Variants in CEP112 observed in about 807,000 individuals in gnomAD.
CEP112 encodes the protein centrosomal protein 112.
CEP112 carries 127 observed loss-of-function variants against 153.0 expected under a neutral mutation model. That is an observed-to-expected ratio of 0.83 (90% CI 0.72 to 0.96). CEP112 has a LOEUF of 0.96. CEP112 is among the 40% of genes least tolerant of loss of function. The probability of loss-of-function intolerance (pLI) is 0.00; values close to 1 mark genes in which losing one functional copy is unlikely to be tolerated. For missense variants in CEP112, 1,089 were observed against 1,101.2 expected (o/e 0.99, Z 0.16); for synonymous variants, 358 against 374.4 (o/e 0.96, Z 0.51).
chr17:65,896,538 T>C lies in CEP112; in HGVS notation c.2163+5614A>G, dbSNP rs796733290. Among the ~76,000 whole-genome samples, 9 of 152,018 alleles carry C rather than the reference T, an allele frequency of 5.9e-5. No homozygotes were observed. The South Asian group carries it at 8.3e-4, about 14-fold the overall frequency. On this transcript the variant is annotated intron_variant, in intron 20 of 26. Coordinates refer to ENST00000535342, the MANE Select transcript of CEP112 (RefSeq NM_001199165.4). ...TTATTTTACTTATTAATTTGTATAG[T>C]AATATATAAATAATGCAAATTTATT...
intron 24 of CEP112, among the ~76,000 whole-genome samples, chr17:65,660,365 C>T (rs2046305987): frequency 8.1e-6 from 1 of 123,398 alleles, no homozygotes; most frequent in African/African-American, 3.3e-5. Flanking sequence ...CTTCCTCCCT[C>T]CCTCCCTTCC....
chr17:66,106,727 T>A (rs993496080), intron 6 of CEP112, among the ~76,000 whole-genome samples: 2 of 152,052 alleles, frequency 1.3e-5, no homozygotes, highest in Admixed American at 6.5e-5. Context: ...AAAAAAGAAC[T>A]AATATCAATC....
chr17:65,653,380 A>T (rs541774368), intron 24 of CEP112, among the ~76,000 whole-genome samples: 21 of 152,372 alleles, frequency 1.4e-4, no homozygotes, highest in African/African-American at 5.0e-4. Context: ...TGGATTATTC[A>T]GAAACTGTTC....
At chr17:65,650,469 CCT>C (rs1025320070) in intron 24 of CEP112, among the ~76,000 whole-genome samples, 6 of 152,148 alleles carry the variant, frequency 3.9e-5, no homozygotes, top group African/African-American at 1.4e-4. Flanking sequence ...ATTTTTAGCC[CCT>C]GTCATCCCTA....
chr17:66,176,478 T>C (rs1321880939), intron 3 of CEP112, among the ~76,000 whole-genome samples: 1 of 152,172 alleles, frequency 6.6e-6, no homozygotes, highest in Non-Finnish European at 1.5e-5. Context: ...GTTTAAATAA[T>C]ATATATGAAA....
At chr17:65,726,072 T>C (rs1046284143) in intron 23 of CEP112, among the ~76,000 whole-genome samples, 11 of 152,108 alleles carry the variant, frequency 7.2e-5, no homozygotes, top group Non-Finnish European at 1.3e-4. Flanking sequence ...AAATAATTAT[T>C]GGCTGGGCAT....
intron 18 of CEP112, among the ~76,000 whole-genome samples, chr17:65,943,718 C>G (rs997199337): frequency 1.3e-5 from 2 of 152,066 alleles, no homozygotes; most frequent in African/African-American, 4.8e-5. Context: ...GAGTATCTTA[C>G]TGGGGTTCTC....
intron 4 of CEP112, among the ~76,000 whole-genome samples, chr17:66,159,723 T>C (rs1448405152): frequency 6.6e-6 from 1 of 152,192 alleles, no homozygotes; most frequent in South Asian, 2.1e-4. Flanking sequence ...GAGCTATTTA[T>C]GATAAATACA....
chr17:66,121,492 G>T (rs2069587198), intron 6 of CEP112, among the ~76,000 whole-genome samples: 2 of 151,954 alleles, frequency 1.3e-5, no homozygotes, highest in Non-Finnish European at 1.5e-5. Flanking sequence ...ACATATGTTG[G>T]TGCACTTATG....
intron 23 of CEP112, among the ~76,000 whole-genome samples, chr17:65,707,222 C>T (rs1417752530): frequency 6.6e-6 from 1 of 152,188 alleles, no homozygotes; most frequent in African/African-American, 2.4e-5. Flanking sequence ...TCACTTTACC[C>T]TGCCACATTC....
At position 65,743,097 on chromosome 17, in the gene CEP112, G is replaced by T. The variant is rs1322595058; in HGVS notation, c.2578C>A (p.Leu860Met). 3.1e-6 allele frequency: 5 copies of T among 1,611,544 alleles called. No individual in the cohort carries two copies. In the Admixed American group the frequency reaches 8.4e-5, roughly 27 times the overall value. The change falls in exon 23 of 27, where the codon CTG becomes ATG. Residue 860 changes from leucine to methionine, a missense_variant. Physicochemically the swap from Leu to Met is conservative, Grantham distance 15 (BLOSUM62 2). Transcript: ENST00000535342. ...ATTGCTTGGTCATTATCTCTAATCA[G>T]CTGCTTCTTCTCATCTTCAAACTTT... ...RQKFEDEKKQLIRDNDQAIKV... is the reference protein window; with the variant it reads ...RQKFEDEKKQMIRDNDQAIKV...
chr17:65,637,247 A>C, intron 25 of CEP112, 59 bp from the exon 26 acceptor site: 1 of 1,098,770 alleles, frequency 9.1e-7, no homozygotes, highest in Non-Finnish European at 1.4e-6. Context: ...AATATTGTGC[A>C]AATAGTATGG....
chr17:65,679,367 G>T (rs185283470), intron 24 of CEP112, among the ~76,000 whole-genome samples: 1 of 151,848 alleles, frequency 6.6e-6, no homozygotes, highest in East Asian at 1.9e-4. Flanking sequence ...AAAATTACTC[G>T]AAACAAACCA....
intron 21 of CEP112, among the ~76,000 whole-genome samples, chr17:65,828,202 T>C (rs1469875877): frequency 6.6e-6 from 1 of 152,190 alleles, no homozygotes; most frequent in African/African-American, 2.4e-5. Flanking sequence ...CTGTTAACTG[T>C]TCCCCAGTAC....
intron 2 of CEP112, among the ~76,000 whole-genome samples, chr17:66,178,025 G>C (rs920317924): frequency 2.6e-5 from 4 of 152,070 alleles, no homozygotes; most frequent in African/African-American, 9.7e-5. Flanking sequence ...CACAAACATG[G>C]GAGTGCAGAT....
At chr17:65,948,903 C>T (rs1477217508) in intron 18 of CEP112, among the ~76,000 whole-genome samples, 1 of 152,152 alleles carries the variant, frequency 6.6e-6, no homozygotes, top group Non-Finnish European at 1.5e-5. Flanking sequence ...CAATCTGCAG[C>T]AGTTTCCAAA....
chr17:66,168,441 A>G (rs7213215), intron 4 of CEP112, among the ~76,000 whole-genome samples: 8,743 of 140,848 alleles, frequency 0.062, 265 homozygotes, highest in East Asian at 0.076. Context: ...ATGTATATAT[A>G]TGTGTGTGTA....
intron 21 of CEP112, among the ~76,000 whole-genome samples, chr17:65,812,651 A>G (rs2056043681): frequency 6.6e-6 from 1 of 152,208 alleles, no homozygotes; most frequent in African/African-American, 2.4e-5. Flanking sequence ...ATTAAAATGA[A>G]ATACTACAAT....
At chr17:65,936,254 T>C (rs1305980162) in intron 18 of CEP112, among the ~76,000 whole-genome samples, 1 of 151,976 alleles carries the variant, frequency 6.6e-6, no homozygotes, top group Non-Finnish European at 1.5e-5. Context: ...GCAAGAAACT[T>C]CTCAACAAAG....
Sources: allele counts gnomAD v4.1 joint callset (sites outside exome capture counted in the v4.1 genomes callset), GRCh38; gene constraint gnomAD v4.1.1; transcripts MANE v1.5; gene names NCBI Gene and HGNC (gene_info 2026-07-23, HGNC 2026-07-21).